Variants in EPB41L3 observed in about 807,000 individuals in gnomAD.
EPB41L3 encodes band 4.1-like protein 3.
A neutral mutation model predicts 127.1 loss-of-function variants in EPB41L3; 57 were observed. That is an observed-to-expected ratio of 0.45 (90% CI 0.36 to 0.56). The LOEUF is 0.56. Ranked by LOEUF, EPB41L3 falls within the 20% of genes least tolerant of loss-of-function variation. The probability of loss-of-function intolerance (pLI) is 0.00; values close to 1 mark genes in which losing one functional copy is unlikely to be tolerated. For missense variants in EPB41L3, 1,273 were observed against 1,372.2 expected, an observed-to-expected ratio of 0.93 and a Z score of 1.14; for synonymous variants, 572 against 549.5, an observed-to-expected ratio of 1.04 and a Z score of -0.57.
At chr18:5,416,743 C>A (rs1251668768) in intron 12 of EPB41L3, among the ~76,000 whole-genome samples, 1 of 152,050 alleles carries the variant, frequency 6.6e-6, no homozygotes, top group Non-Finnish European at 1.5e-5. Context: ...AATCTGATAA[C>A]TTAACATGAA....
chr18:5,585,367 G>C (rs760705985), intron 3 of EPB41L3, among the ~76,000 whole-genome samples: 4 of 152,062 alleles, frequency 2.6e-5, no homozygotes, highest in Non-Finnish European at 5.9e-5. Context: ...GCCGTAGTGC[G>C]ATCTGGGCTC....
intron 1 of EPB41L3, among the ~76,000 whole-genome samples, chr18:5,522,301 T>G (rs1037422434): frequency 1.3e-5 from 2 of 152,022 alleles, no homozygotes; most frequent in African/African-American, 4.8e-5. Flanking sequence ...GTTTTGTATT[T>G]TTAGTAGAGA....
chr18:5,589,463 T>C (rs758111425), intron 3 of EPB41L3, among the ~76,000 whole-genome samples: 39 of 152,198 alleles, frequency 2.6e-4, no homozygotes, highest in Non-Finnish European at 5.4e-4. Flanking sequence ...ATTTAATATA[T>C]CTTTTTTGAT....
intron 8 of EPB41L3, chr18:5,431,106 A>G (rs1223496529): frequency 1.3e-5 from 2 of 152,204 alleles, no homozygotes; most frequent in East Asian, 3.9e-4. Flanking sequence ...TACATAAAAT[A>G]AATGACTCTG....
chr18:5,450,790 C>T (rs964523272), intron 3 of EPB41L3, among the ~76,000 whole-genome samples: 4 of 152,136 alleles, frequency 2.6e-5, no homozygotes, highest in South Asian at 2.1e-4. Flanking sequence ...ATTAACTTGC[C>T]TAAGAAACTA....
In EPB41L3 at chr18:5,526,393, A is replaced by G. The variant is rs199887797; in HGVS notation, c.-12+17520T>C. On this transcript the variant is annotated intron_variant, in intron 1 of 22. Coordinates refer to ENST00000341928, the MANE Select transcript of EPB41L3 (RefSeq NM_012307.5). ...AAGTTGACATCTTCTTTACCACTCA[A>G]TCAACTTCCCTTTATCAACGAGACA... Among the ~76,000 whole-genome samples, 3 of 152,216 alleles carry G rather than the reference A, an allele frequency of 2.0e-5. No individual in the cohort carries two copies. In the East Asian group the frequency reaches 5.8e-4, roughly 29 times the overall value.
At chr18:5,514,333 T>C (rs1057030554) in intron 1 of EPB41L3, among the ~76,000 whole-genome samples, 5 of 152,190 alleles carry the variant, frequency 3.3e-5, no homozygotes, top group African/African-American at 7.2e-5. Context: ...CAATCACAAA[T>C]GGCACAAAAT....
At chr18:5,513,033 G>A (rs563024950) in intron 1 of EPB41L3, among the ~76,000 whole-genome samples, 10 of 152,290 alleles carry the variant, frequency 6.6e-5, no homozygotes, top group Middle Eastern at 3.4e-3. Flanking sequence ...GGCATCTGGT[G>A]GATGGTATGT....
At chr18:5,528,493 G>C (rs1315262001) in intron 1 of EPB41L3, among the ~76,000 whole-genome samples, 1 of 151,818 alleles carries the variant, frequency 6.6e-6, no homozygotes, top group Non-Finnish European at 1.5e-5. Context: ...TGCAGGCTGT[G>C]TATATAGGTC....
chr18:5,574,679 T>C (rs1010331671), intron 3 of EPB41L3, among the ~76,000 whole-genome samples: 1 of 152,186 alleles, frequency 6.6e-6, no homozygotes, highest in Non-Finnish European at 1.5e-5. Context: ...GTAAAAGTCC[T>C]GGGCCCTGAG....
intron 3 of EPB41L3, among the ~76,000 whole-genome samples, chr18:5,593,877 C>T (rs933248044): frequency 2.6e-5 from 4 of 152,172 alleles, no homozygotes; most frequent in African/African-American, 4.8e-5. Context: ...TGGCTCTGTT[C>T]CGCCCGGCTC....
chr18:5,409,721 A>AAC (rs58063637), intron 14 of EPB41L3, among the ~76,000 whole-genome samples: 8 of 151,428 alleles, frequency 5.3e-5, no homozygotes, highest in Admixed American at 1.3e-4. Context: ...GCAAAAAAAA[A>AAC]CATATAAACA....
intron 2 of EPB41L3, among the ~76,000 whole-genome samples, chr18:5,612,763 C>T (rs566761743): frequency 2.0e-5 from 3 of 152,148 alleles, no homozygotes; most frequent in African/African-American, 7.2e-5. Context: ...TTTTTTGAGA[C>T]GGAGTCTCAT....
chr18:5,630,201 C>T (rs1226703135), upstream of EPB41L3, among the ~76,000 whole-genome samples: 1 of 152,180 alleles, frequency 6.6e-6, no homozygotes, highest in Non-Finnish European at 1.5e-5. Context: ...GAGTCCCTGT[C>T]GCCTCCGGGC....
intron 16 of EPB41L3, chr18:5,400,438 C>T: frequency 2.4e-6 from 1 of 418,490 alleles, no homozygotes; most frequent in South Asian, 1.7e-5. Flanking sequence ...TTAAAAATAC[C>T]ACTACAGATT....
intron 3 of EPB41L3, among the ~76,000 whole-genome samples, chr18:5,561,264 AC>A (rs1278303062): frequency 8.5e-5 from 13 of 152,248 alleles, no homozygotes; most frequent in Non-Finnish European, 1.5e-4. Context: ...GGCGTGAGCC[AC>A]CGCGCCTGGC....
At chr18:5,429,766 G>A (rs1321861447) in intron 8 of EPB41L3, among the ~76,000 whole-genome samples, 1 of 152,204 alleles carries the variant, frequency 6.6e-6, no homozygotes, top group Admixed American at 6.5e-5. Flanking sequence ...AATAAAATTT[G>A]AGGAGAACTC....
chr18:5,459,625 T>C (rs1283497534), intron 3 of EPB41L3, among the ~76,000 whole-genome samples: 1 of 152,180 alleles, frequency 6.6e-6, no homozygotes, highest in Non-Finnish European at 1.5e-5. Flanking sequence ...TTAATCTGTA[T>C]CTACTGAATG....
chr18:5,530,585 C>A (rs778513173), intron 1 of EPB41L3, among the ~76,000 whole-genome samples: 1 of 152,084 alleles, frequency 6.6e-6, no homozygotes, highest in Non-Finnish European at 1.5e-5. Context: ...TACTCGTCAG[C>A]CACACGAATG....
Sources: allele counts gnomAD v4.1 joint callset (sites outside exome capture counted in the v4.1 genomes callset), GRCh38; gene constraint gnomAD v4.1.1; transcripts MANE v1.5; gene names NCBI Gene and HGNC (gene_info 2026-07-23, HGNC 2026-07-21).